PIP4K2A: variants seen among roughly 807,000 people sequenced by gnomAD.
The protein encoded by PIP4K2A is phosphatidylinositol 5-phosphate 4-kinase type-2 alpha.
PIP4K2A carries 14 observed loss-of-function variants against 42.9 expected under a neutral mutation model. The ratio of observed to expected loss-of-function variants is 0.33; its 90% CI spans 0.22 to 0.51. The LOEUF is 0.51. PIP4K2A is among the 20% of genes least tolerant of loss of function. The pLI, the probability that PIP4K2A is intolerant of heterozygous loss-of-function variation, is 0.97. For missense variants in PIP4K2A, 434 were observed against 519.8 expected, an observed-to-expected ratio of 0.83 and a Z score of 1.61; for synonymous variants, 192 against 192.2, an observed-to-expected ratio of 1.00 and a Z score of 0.01.
At chr10:22,711,579 A>G (rs1484472462) in intron 1 of PIP4K2A, among the ~76,000 whole-genome samples, 1 of 152,270 alleles carries the variant, frequency 6.6e-6, no homozygotes, top group Admixed American at 6.5e-5. Flanking sequence ...ACTGATGCCA[A>G]AACCTGACCT....
intron 1 of PIP4K2A, among the ~76,000 whole-genome samples, chr10:22,618,194 C>T (rs1315539839): frequency 6.6e-6 from 1 of 152,182 alleles, no homozygotes; most frequent in Admixed American, 6.5e-5. Flanking sequence ...AAAATCTCTC[C>T]TCTCTTTCCC....
At chr10:22,575,359 T>G (rs1837086340) in intron 4 of PIP4K2A, among the ~76,000 whole-genome samples, 1 of 152,116 alleles carries the variant, frequency 6.6e-6, no homozygotes, top group African/African-American at 2.4e-5. Flanking sequence ...CGATTTTGGT[T>G]TTGCTGCTCA....
chr10:22,678,437 C>T (rs999009559), intron 1 of PIP4K2A, among the ~76,000 whole-genome samples: 1 of 152,110 alleles, frequency 6.6e-6, no homozygotes, highest in African/African-American at 2.4e-5. Flanking sequence ...GTGGCTATTT[C>T]CCAAACCTTT....
At chr10:22,696,848 T>A (rs1351505705) in intron 1 of PIP4K2A, among the ~76,000 whole-genome samples, 1 of 152,150 alleles carries the variant, frequency 6.6e-6, no homozygotes, top group Non-Finnish European at 1.5e-5. Flanking sequence ...TTCTACTTAA[T>A]TCAAGCTTTA....
chr10:22,558,413 A>G (rs1254793247), intron 6 of PIP4K2A, among the ~76,000 whole-genome samples: 4 of 152,230 alleles, frequency 2.6e-5, no homozygotes, highest in Non-Finnish European at 5.9e-5. Flanking sequence ...ATGGAGTAAC[A>G]TATTTGGTAT....
chr10:22,591,566 G>T, intron 4 of PIP4K2A, 63 bp downstream of exon 4: 1 of 1,250,446 alleles, frequency 8.0e-7, no homozygotes, highest in Non-Finnish European at 1.1e-6. Flanking sequence ...CTCTGGCCTT[G>T]GTGAGAAATC....
chr10:22,705,705 G>A (rs1251695030), intron 1 of PIP4K2A, among the ~76,000 whole-genome samples: 1 of 151,982 alleles, frequency 6.6e-6, no homozygotes, highest in African/African-American at 2.4e-5. Context: ...CCCAAGCTCT[G>A]CATTTCTAAC....
rs151328787 is a variant in PIP4K2A at position 22,669,837 on chromosome 10, T to C, written c.144+44346A>G. 2.1e-3 allele frequency among the ~76,000 whole-genome samples: 314 copies of C among 152,330 alleles called. 2 individuals carry two copies. The highest frequency in any genetic ancestry group is 6.9e-3 in the African/African-American group (285 of 41,570). On this transcript the variant is annotated intron_variant, in intron 1 of 9. Coordinates refer to ENST00000376573, the MANE Select transcript of PIP4K2A (RefSeq NM_005028.5). ...ATTTCTAGTCTGCATATTTGTTTATTTGCAGAATCTCAGTGAAAATGAATG... is the reference window on the plus strand; with the variant it reads ...ATTTCTAGTCTGCATATTTGTTTATCTGCAGAATCTCAGTGAAAATGAATG...
In PIP4K2A at chr10:22,695,400, C is replaced by T. The variant is rs554486076; in HGVS notation, c.144+18783G>A. ...GGATACCTGTAGGTAAATTAGTGGT[C>T]ATCACTGCAGTTTATCCTTGTTTTT... is the stretch of plus-strand genomic sequence containing the variant. On this transcript the variant is annotated intron_variant, in intron 1 of 9. Transcript: ENST00000376573. Among the ~76,000 whole-genome samples, 27 of 152,234 alleles carry T rather than the reference C, an allele frequency of 1.8e-4. No individual in the cohort carries two copies. The East Asian group carries it at 4.8e-3, about 27-fold the overall frequency.
rs1428659445 is a variant in PIP4K2A at position 22,535,721 on chromosome 10, C to G, written c.*1480G>C. ...CAAGACTAATATTTAAGCTCAATGC[C>G]TTTTGGAAAATGCAGGAGAGTTGGT... On this transcript the variant is annotated 3_prime_UTR_variant, in exon 10 of 10. Coordinates refer to ENST00000376573, the MANE Select transcript of PIP4K2A (RefSeq NM_005028.5). 5.7e-6 allele frequency: 1 copy of G among 176,220 alleles called. No individual in the cohort carries two copies. The highest frequency in any genetic ancestry group is 1.2e-5 in the Non-Finnish European group (1 of 84,398). 10.9% of individuals were successfully genotyped at this position (176,220 alleles called of 1,614,324 possible).
intron 1 of PIP4K2A, among the ~76,000 whole-genome samples, chr10:22,648,121 T>C (rs1299824479): frequency 2.0e-5 from 3 of 152,228 alleles, no homozygotes; most frequent in Non-Finnish European, 2.9e-5. Flanking sequence ...TTCCAGTCTC[T>C]GTCCTTTCAG....
In PIP4K2A at chr10:22,572,919, C is replaced by T. The variant is rs190365276; in HGVS notation, c.639+392G>A. On this transcript the variant is annotated intron_variant, in intron 5 of 9. Coordinates refer to ENST00000376573, the MANE Select transcript of PIP4K2A (RefSeq NM_005028.5). ...TGACAGGACTATTTAAAACCCTCCCCCTCTTTAATTCTGTCTATAGCACTT... is the reference window on the plus strand; with the variant it reads ...TGACAGGACTATTTAAAACCCTCCCTCTCTTTAATTCTGTCTATAGCACTT... 7.3e-3 allele frequency among the ~76,000 whole-genome samples: 1,109 copies of T among 151,062 alleles called. 8 individuals are homozygous for T. Among genetic ancestry groups the T allele is most frequent in the Non-Finnish European group, 0.012 (821 of 67,974 alleles).
chr10:22,637,200 T>A (rs16922539), intron 1 of PIP4K2A, among the ~76,000 whole-genome samples: 22,630 of 152,106 alleles, frequency 0.15, 2,071 homozygotes, highest in African/African-American at 0.26. Flanking sequence ...AATGGCCCCA[T>A]GATTTGACAC....
At chr10:22,620,190 C>T (rs553293321) in intron 1 of PIP4K2A, among the ~76,000 whole-genome samples, 9 of 152,308 alleles carry the variant, frequency 5.9e-5, no homozygotes, top group East Asian at 3.9e-4. Context: ...ACATCCTTGC[C>T]GGCTGGCCCA....
At chr10:22,685,131 C>T (rs572506712) in intron 1 of PIP4K2A, among the ~76,000 whole-genome samples, 10 of 152,096 alleles carry the variant, frequency 6.6e-5, no homozygotes, top group African/African-American at 2.4e-4. Context: ...AATGGTTCTG[C>T]TTGAATTGAG....
At chr10:22,571,628 A>G (rs1836990118) in intron 5 of PIP4K2A, among the ~76,000 whole-genome samples, 1 of 152,278 alleles carries the variant, frequency 6.6e-6, no homozygotes, top group Non-Finnish European at 1.5e-5. Context: ...GAAGAGTACA[A>G]AAAGTTCATT....
At chr10:22,584,211 G>T (rs1837341114) in intron 4 of PIP4K2A, among the ~76,000 whole-genome samples, 1 of 151,972 alleles carries the variant, frequency 6.6e-6, no homozygotes, top group Admixed American at 6.6e-5. Context: ...AAGAAACAAA[G>T]GATGCAATTT....
In PIP4K2A at chr10:22,714,532, CG is replaced by C. The variant is rs1833975811; in HGVS notation, c.-207del. 6.6e-6 allele frequency: 1 copy of C among 152,310 alleles called. No homozygotes were observed. The highest frequency in any genetic ancestry group is 1.4e-5 in the Non-Finnish European group (1 of 71,292). The allele number at this position is 152,310 out of a possible 1,614,324, so 9.4% of individuals were successfully genotyped here. A position where few individuals can be genotyped will look rare whatever the true frequency, so the allele number is the denominator to read the frequency against. ...GGCAGACTGCGCTCGGCTCGCGCCC[CG>C]GCCCGTATCCTGCGCCCGCCGCGGA... On this transcript the variant is annotated 5_prime_UTR_variant, in exon 1 of 10. Transcript: ENST00000376573.
At chr10:22,629,676 T>C (rs1588673957) in intron 1 of PIP4K2A, among the ~76,000 whole-genome samples, 1 of 152,200 alleles carries the variant, frequency 6.6e-6, no homozygotes, top group Non-Finnish European at 1.5e-5. Flanking sequence ...TTTTCCTAAC[T>C]TGTTGACTAA....
Sources: allele counts gnomAD v4.1 joint callset (sites outside exome capture counted in the v4.1 genomes callset), GRCh38; gene constraint gnomAD v4.1.1; transcripts MANE v1.5; gene names NCBI Gene and HGNC (gene_info 2026-07-23, HGNC 2026-07-21).